Variants in GRXCR2 observed in about 807,000 individuals in gnomAD.
GRXCR2 encodes the protein glutaredoxin and cysteine rich domain containing 2.
In GRXCR2, 23 loss-of-function variants were observed where a neutral mutation model predicts 24.8. That is an observed-to-expected ratio of 0.93 (90% CI 0.67 to 1.32). GRXCR2 has a LOEUF of 1.32. Ranked by LOEUF, GRXCR2 falls within the 40% of genes most tolerant of loss-of-function variation. The pLI is 0.00. For synonymous variants in GRXCR2, 130 were observed against 116.1 expected, an observed-to-expected ratio of 1.12 and a Z score of -0.77; for missense variants, 315 against 303.4, an observed-to-expected ratio of 1.04 and a Z score of -0.28.
intron 2 of GRXCR2, among the ~76,000 whole-genome samples, chr5:145,888,338 CCAAA>C (rs1756804243): frequency 6.6e-6 from 1 of 152,054 alleles, no homozygotes; most frequent in African/African-American, 2.4e-5. Flanking sequence ...CAGCAGCAAC[CCAAA>C]CAATGTAAGC....
At chr5:145,914,077 G>T (rs1318045701) in intron 2 of GRXCR2, among the ~76,000 whole-genome samples, 2 of 152,184 alleles carry the variant, frequency 1.3e-5, no homozygotes, top group African/African-American at 4.8e-5. Flanking sequence ...GCTGTAAGAT[G>T]AGCGCAGCAA....
At position 145,859,744 on chromosome 5, in the gene GRXCR2, A is replaced by T; in HGVS notation, c.736T>A (p.Cys246Ser). The T allele has an allele frequency of 6.2e-7, 1 of 1,614,158 alleles. No homozygotes were observed. Residue 246 changes from cysteine (C) to serine (S), a missense_variant, in exon 3 of 3, where the codon TGC (cysteine) becomes AGC (serine). By Grantham distance (112) the Cys-to-Ser change is moderately radical. Coordinates refer to ENST00000377976, the MANE Select transcript of GRXCR2 (RefSeq NM_001080516.2). ...GCAAAAGCCACGGGCTATTGATTGC[A>T]AATCTGGCAAGGCTGTAGGCCATTC... ...NENGLQPCQI[C>S]NQ
intron 2 of GRXCR2, among the ~76,000 whole-genome samples, chr5:145,885,119 G>GTA (rs1554105089): frequency 6.6e-6 from 1 of 151,578 alleles, no homozygotes; most frequent in Admixed American, 6.6e-5. Context: ...GTGTGTGTGT[G>GTA]TGTCTGTCTG....
intron 2 of GRXCR2, among the ~76,000 whole-genome samples, chr5:145,889,998 T>C (rs563048166): frequency 1.3e-4 from 20 of 152,394 alleles, no homozygotes; most frequent in Non-Finnish European, 2.1e-4. Context: ...GTCAATAGAC[T>C]GGACTAAGCA....
intron 2 of GRXCR2, among the ~76,000 whole-genome samples, chr5:145,895,828 A>G (rs1756940632): frequency 6.6e-6 from 1 of 152,230 alleles, no homozygotes; most frequent in African/African-American, 2.4e-5. Context: ...TGCCAAGTCA[A>G]TCCTAAGCCA....
chr5:145,879,768 T>A (rs1273473494), intron 2 of GRXCR2, among the ~76,000 whole-genome samples: 1 of 152,076 alleles, frequency 6.6e-6, no homozygotes, highest in Non-Finnish European at 1.5e-5. Flanking sequence ...AGCACCACAT[T>A]GCACTTATTC....
At chr5:145,885,353 C>T (rs1188513283) in intron 2 of GRXCR2, among the ~76,000 whole-genome samples, 1 of 152,158 alleles carries the variant, frequency 6.6e-6, no homozygotes, top group African/African-American at 2.4e-5. Context: ...TTATATTTCA[C>T]CACCACTTTT....
intron 2 of GRXCR2, among the ~76,000 whole-genome samples, chr5:145,885,212 G>T (rs1316949250): frequency 1.1e-4 from 16 of 151,870 alleles, no homozygotes; most frequent in Admixed American, 9.9e-4. Flanking sequence ...TATAGTTATT[G>T]ATCATTTGTA....
At position 145,878,795 on chromosome 5, in the gene GRXCR2, C is replaced by G. The variant is rs529234956; in HGVS notation, c.-69-12067G>C. The stretch of plus-strand genomic sequence containing the variant: ...GGAAAGAATGGTAAGGGCAGCCAGA[C>G]AGAAAGGTCAGGTTACCCATAAAGG... On this transcript the variant is annotated intron_variant, in intron 2 of 3. Transcript: ENST00000639411. 1.9e-4 allele frequency among the ~76,000 whole-genome samples: 29 copies of G among 152,248 alleles called. No homozygotes were observed. In the South Asian group the frequency reaches 5.8e-3, roughly 30 times the overall value.
chr5:145,902,484 T>G (rs1330234520), intron 2 of GRXCR2, among the ~76,000 whole-genome samples: 1 of 152,164 alleles, frequency 6.6e-6, no homozygotes, highest in Non-Finnish European at 1.5e-5. Flanking sequence ...ACTATACTCT[T>G]ATATGCATCT....
downstream of GRXCR2, among the ~76,000 whole-genome samples, chr5:145,858,314 C>CCCAA (rs1756273789): frequency 3.5e-5 from 1 of 28,488 alleles, no homozygotes; most frequent in African/African-American, 1.1e-4. Flanking sequence ...CTCTGTCTCC[C>CCCAA]ACAAAAAAAA....
At chr5:145,894,531 A>G (rs1230049789) in intron 2 of GRXCR2, among the ~76,000 whole-genome samples, 2 of 152,258 alleles carry the variant, frequency 1.3e-5, no homozygotes, top group Admixed American at 6.5e-5. Context: ...TAGAAAATCT[A>G]GAAGAAATGC....
At chr5:145,908,526 T>C (rs758888128) in intron 2 of GRXCR2, among the ~76,000 whole-genome samples, 1 of 152,226 alleles carries the variant, frequency 6.6e-6, no homozygotes, top group Non-Finnish European at 1.5e-5. Context: ...ACTATGAATA[T>C]GGAGGGATCT....
intron 2 of GRXCR2, among the ~76,000 whole-genome samples, chr5:145,884,293 A>G (rs1310861687): frequency 6.6e-6 from 1 of 152,148 alleles, no homozygotes; most frequent in East Asian, 1.9e-4. Context: ...AAGTCAATAT[A>G]TCAACGAAAA....
At chr5:145,875,927 G>A (rs777895487), upstream of GRXCR2, among the ~76,000 whole-genome samples, 1 of 152,074 alleles carries the variant, frequency 6.6e-6, no homozygotes, top group Admixed American at 6.6e-5. Flanking sequence ...TACTCAGGAG[G>A]CTGAGGCAGG....
At position 145,886,380 on chromosome 5, in the gene GRXCR2, C is replaced by T. The variant is rs144333211; in HGVS notation, c.-69-19652G>A. 2.6e-3 allele frequency among the ~76,000 whole-genome samples: 394 copies of T among 152,244 alleles called. 4 individuals carry two copies. The highest frequency in any genetic ancestry group is 8.6e-3 in the African/African-American group (357 of 41,550). ...TTTGCATCACAGGCCAAACTCCCCA[C>T]GTCAGAATGTAAAGGGAAGGTTACC... On this transcript the variant is annotated intron_variant, in intron 2 of 3. Coordinates refer to the GRXCR2 transcript ENST00000639411.
chr5:145,913,477 A>G (rs930759686), intron 2 of GRXCR2, among the ~76,000 whole-genome samples: 4 of 152,192 alleles, frequency 2.6e-5, no homozygotes, highest in African/African-American at 9.7e-5. Flanking sequence ...ATCAATTACT[A>G]TAAAATAAAG....
intron 2 of GRXCR2, among the ~76,000 whole-genome samples, chr5:145,927,071 T>A (rs1346094916): frequency 1.3e-5 from 2 of 152,242 alleles, no homozygotes; most frequent in Non-Finnish European, 1.5e-5. Context: ...TTTTTGCACA[T>A]TGATTTCGTA....
intron 2 of GRXCR2, among the ~76,000 whole-genome samples, chr5:145,930,536 T>C (rs1446915193): frequency 1.3e-5 from 2 of 152,214 alleles, no homozygotes; most frequent in Admixed American, 1.3e-4. Context: ...TATAGTAGTA[T>C]TTTTTAAATT....
Sources: allele counts gnomAD v4.1 joint callset (sites outside exome capture counted in the v4.1 genomes callset), GRCh38; gene constraint gnomAD v4.1.1; transcripts MANE v1.5; gene names NCBI Gene and HGNC (gene_info 2026-07-23, HGNC 2026-07-21).